Variants in CCDC192 observed in about 807,000 individuals in gnomAD.
CCDC192 encodes coiled-coil domain containing 192.
At chr5:127,753,580 C>G (rs1428525140) in intron 2 of CCDC192, among the ~76,000 whole-genome samples, 1 of 151,864 alleles carries the variant, frequency 6.6e-6, no homozygotes, top group Non-Finnish European at 1.5e-5. Flanking sequence ...CCTGTAATCT[C>G]CAGGGGCTGA....
At chr5:127,874,152 A>G (rs1158453006) in intron 5 of CCDC192, among the ~76,000 whole-genome samples, 4 of 152,166 alleles carry the variant, frequency 2.6e-5, no homozygotes, top group Admixed American at 1.3e-4. Context: ...AAGTACTGCC[A>G]TGAAAACCAG....
intron 2 of CCDC192, among the ~76,000 whole-genome samples, chr5:127,748,016 C>T (rs1753884795): frequency 6.8e-6 from 1 of 146,674 alleles, no homozygotes; most frequent in Admixed American, 6.8e-5. Context: ...AGCCCTTTGT[C>T]AGATGAGTAG....
At chr5:127,726,989 A>T (rs1335208835) in intron 2 of CCDC192, among the ~76,000 whole-genome samples, 5 of 152,150 alleles carry the variant, frequency 3.3e-5, no homozygotes, top group Non-Finnish European at 7.3e-5. Flanking sequence ...ATACAGGAGC[A>T]TTCCTGCTGG....
intron 5 of CCDC192, among the ~76,000 whole-genome samples, chr5:127,835,712 G>C (rs887867841): frequency 2.6e-5 from 4 of 152,160 alleles, no homozygotes; most frequent in African/African-American, 4.8e-5. Flanking sequence ...TGTGTGAAGT[G>C]AAGAGGGAAG....
intron 2 of CCDC192, among the ~76,000 whole-genome samples, chr5:127,719,436 CACATACATATATAT>C (rs1238263245): frequency 6.8e-6 from 1 of 146,194 alleles, no homozygotes; most frequent in African/African-American, 2.5e-5. Context: ...TATATACACA[CACATACATATATAT>C]ACATACATAT....
In CCDC192 at chr5:127,774,448, C is replaced by T. The variant is rs2126918256; in HGVS notation, c.222+20073C>T. Among the ~76,000 whole-genome samples the T allele has an allele frequency of 1.3e-5, 2 of 152,304 alleles. 1 individual carries two copies. The highest frequency in any genetic ancestry group is 4.1e-4 in the South Asian group (2 of 4,826). ...TTTGTTTATGAAGTAACATAGGGGTCCAACTTCAAGTTCTAACATGTTGGT... is the reference window on the plus strand; with the variant it reads ...TTTGTTTATGAAGTAACATAGGGGTTCAACTTCAAGTTCTAACATGTTGGT... On this transcript the variant is annotated intron_variant, in intron 3 of 6. Coordinates refer to ENST00000514853, the MANE Select transcript of CCDC192 (RefSeq NM_001317938.2).
At chr5:127,852,137 A>G (rs1014991861) in intron 5 of CCDC192, among the ~76,000 whole-genome samples, 3 of 152,174 alleles carry the variant, frequency 2.0e-5, no homozygotes, top group Non-Finnish European at 2.9e-5. Context: ...AGCAAACACT[A>G]CTGCCTATCA....
At chr5:127,751,314 T>C (rs1159666381) in intron 2 of CCDC192, among the ~76,000 whole-genome samples, 12 of 152,258 alleles carry the variant, frequency 7.9e-5, no homozygotes, top group African/African-American at 2.9e-4. Context: ...GGCCTGGTGG[T>C]GACAAAATCT....
intron 5 of CCDC192, among the ~76,000 whole-genome samples, chr5:127,831,363 C>A (rs375012094): frequency 1.3e-4 from 19 of 151,062 alleles, no homozygotes; most frequent in African/African-American, 4.4e-4. Flanking sequence ...TGTGTGTGTG[C>A]GTGTGTATAT....
At chr5:127,705,249 G>A (rs1750898005) in intron 1 of CCDC192, among the ~76,000 whole-genome samples, 1 of 152,152 alleles carries the variant, frequency 6.6e-6, no homozygotes, top group Non-Finnish European at 1.5e-5. Context: ...TGGTTACTCT[G>A]AGGCCATGAC....
chr5:127,807,376 T>C lies in CCDC192; in HGVS notation c.411+9214T>C, dbSNP rs146133090. Among the ~76,000 whole-genome samples, 1,011 of 152,262 alleles carry C rather than the reference T, an allele frequency of 6.6e-3. 17 individuals are homozygous for C. Among genetic ancestry groups the C allele is most frequent in the African/African-American group, 0.023 (939 of 41,566 alleles). ...TGTCATGTCCTGTCAGGTCAGTACT[T>C]TCTCGGCACATTTCTTTCCATGGTC... is the stretch of plus-strand genomic sequence containing the variant. On this transcript the variant is annotated intron_variant, in intron 5 of 6. Transcript: ENST00000514853.
At chr5:127,918,941 A>C (rs13153756) in intron 6 of CCDC192, among the ~76,000 whole-genome samples, 2 of 144,974 alleles carry the variant, frequency 1.4e-5, no homozygotes, top group Admixed American at 7.0e-5. Context: ...CTCTGTGTGT[A>C]TATATGTGTA....
chr5:127,800,402 C>CAAAAAAAAAAAAA (rs772597286), intron 5 of CCDC192, among the ~76,000 whole-genome samples: 3 of 88,290 alleles, frequency 3.4e-5, no homozygotes, highest in African/African-American at 9.7e-5. Context: ...AAAAAAAAAA[C>CAAAAAAAAAAAAA]AACAACAACA....
At chr5:127,724,720 G>A (rs1056516040) in intron 2 of CCDC192, among the ~76,000 whole-genome samples, 105 of 151,994 alleles carry the variant, frequency 6.9e-4, no homozygotes, top group Admixed American at 2.8e-3. Context: ...GTGGTGGCAC[G>A]CGCCTGTAGT....
intron 5 of CCDC192, among the ~76,000 whole-genome samples, chr5:127,864,432 T>C (rs1751510287): frequency 6.6e-6 from 1 of 152,192 alleles, no homozygotes; most frequent in Non-Finnish European, 1.5e-5. Flanking sequence ...GGCTACCAGA[T>C]AGGATATTGA....
Position 127,868,090 on chromosome 5 carries a change from A to G in CCDC192, c.412-7448A>G, listed in dbSNP as rs987316672. 2.8e-5 allele frequency among the ~76,000 whole-genome samples: 4 copies of G among 144,998 alleles called. No individual in the cohort carries two copies. In the East Asian group the frequency reaches 6.1e-4, roughly 22 times the overall value. ...ACTTCCTGGACGTTTCTCCCTGTCT[A>G]TGTATACTACATAAAGGGGCCAGAG... On this transcript the variant is annotated intron_variant, in intron 5 of 6. Coordinates refer to ENST00000514853, the MANE Select transcript of CCDC192 (RefSeq NM_001317938.2).
At chr5:127,896,923 C>G (rs946994674) in intron 6 of CCDC192, among the ~76,000 whole-genome samples, 37 of 152,266 alleles carry the variant, frequency 2.4e-4, no homozygotes, top group African/African-American at 8.9e-4. Context: ...ACTCTACTGA[C>G]TTTATTCTTC....
intron 5 of CCDC192, among the ~76,000 whole-genome samples, chr5:127,854,208 C>T (rs1178200170): frequency 6.6e-6 from 1 of 152,280 alleles, no homozygotes; most frequent in South Asian, 2.1e-4. Context: ...TTGAGTTCCT[C>T]ATAGCTCAAT....
chr5:127,789,878 C>T (rs1363982605), intron 3 of CCDC192, among the ~76,000 whole-genome samples: 1 of 152,180 alleles, frequency 6.6e-6, no homozygotes, highest in African/African-American at 2.4e-5. Flanking sequence ...GTGAGGTCAC[C>T]TGGAGCCATG....
Sources: allele counts gnomAD v4.1 joint callset (sites outside exome capture counted in the v4.1 genomes callset), GRCh38; gene constraint gnomAD v4.1.1; transcripts MANE v1.5; gene names NCBI Gene and HGNC (gene_info 2026-07-23, HGNC 2026-07-21).